PHF10: variants seen among roughly 807,000 people sequenced by gnomAD.
PHF10 encodes PHD finger protein 10, also known as BRG1-associated factor 45a.
PHF10 carries 51 observed loss-of-function variants against 68.5 expected under a neutral mutation model. The ratio of observed to expected loss-of-function variants is 0.74; its 90% CI spans 0.59 to 0.94. PHF10 has a LOEUF of 0.94. Ranked by LOEUF, PHF10 falls within the 40% of genes least tolerant of loss-of-function variation. PHF10 has a pLI of 0.00. For synonymous variants in PHF10, 204 were observed against 203.5 expected (o/e 1.00, Z -0.02); for missense variants, 460 against 602.6 (o/e 0.76, Z 2.48).
Position 169,717,838 on chromosome 6 carries a change from T to C in PHF10, c.394A>G (p.Thr132Ala). 6.6e-7 allele frequency: 1 copy of C among 1,520,022 alleles called. No homozygotes were observed. The highest frequency in any genetic ancestry group is 1.2e-5 in the South Asian group (1 of 85,314). 94.2% of individuals were successfully genotyped at this position (1,520,022 alleles called of 1,614,324 possible). ...YLRELNVITETQCTLGLTALR... is the reference protein window; with the variant it reads ...YLRELNVITEAQCTLGLTALR... Reference sequence around the variant, plus strand: ...CTATTCTTACCTAGAGTGCACTGAGTTTCAGTAATGACATTTAGCTCTCTC... The same window carrying C: ...CTATTCTTACCTAGAGTGCACTGAGCTTCAGTAATGACATTTAGCTCTCTC... The change falls in exon 4 of 12, where the codon ACT (threonine) becomes GCT (alanine). Residue 132 changes from threonine to alanine, a missense_variant. By Grantham distance (58) the Thr-to-Ala change is moderately conservative. This residue lies in a region of PHF10 where 256 missense variants were observed against 410.5 expected (regional missense o/e 0.62). Coordinates refer to ENST00000339209, the MANE Select transcript of PHF10 (RefSeq NM_018288.4).
intron 1 of PHF10, 96 bp downstream of exon 1, chr6:169,723,749 C>G (rs1789244257): frequency 2.9e-6 from 1 of 343,026 alleles, no homozygotes; most frequent in African/African-American, 2.2e-5. Context: ...CCCACGCCCC[C>G]GAGACGCTGG....
chr6:169,714,574 A>G (rs73242910), intron 7 of PHF10, among the ~76,000 whole-genome samples, 159 bp downstream of exon 7: 25,478 of 152,132 alleles, frequency 0.17, 2,639 homozygotes, highest in East Asian at 0.29. Context: ...ACTACAGGGT[A>G]TTGTTTACCA....
intron 6 of PHF10, among the ~76,000 whole-genome samples, chr6:169,715,345 AG>A (rs1207839221): frequency 2.0e-5 from 3 of 152,176 alleles, no homozygotes; most frequent in Admixed American, 6.5e-5. Flanking sequence ...TCAACTTCTG[AG>A]GAAAAAAAGA....
At chr6:169,706,778 A>G (rs1788809740) in intron 9 of PHF10, among the ~76,000 whole-genome samples, 1 of 141,444 alleles carries the variant, frequency 7.1e-6, no homozygotes, top group Middle Eastern at 3.4e-3. Context: ...ACACACACAC[A>G]CGTAGATGAA....
chr6:169,705,148 C>T lies in PHF10; in HGVS notation c.1396G>A (p.Gly466Ser). 6.2e-7 allele frequency: 1 copy of T among 1,607,876 alleles called. No homozygotes were observed. Among genetic ancestry groups the T allele is most frequent in the Non-Finnish European group, 8.5e-7 (1 of 1,176,814 alleles). ...TAATCTTTACCTGATGGAATAGCACCAAGGCCCACACAAAAAGTATGATAA... is the reference window on the plus strand; with the variant it reads ...TAATCTTTACCTGATGGAATAGCACTAAGGCCCACACAAAAAGTATGATAA... ...RGYHTFCVGL[G>S]AIPSGRWICD... is the part of the protein sequence containing the mutation. Residue 466 changes from glycine to serine, a missense_variant, in exon 11 of 12, where the codon GGT becomes AGT. This residue lies in a region of PHF10 where 111 missense variants were observed against 109.7 expected (regional missense o/e 1.01). Coordinates refer to ENST00000339209, the MANE Select transcript of PHF10 (RefSeq NM_018288.4).
chr6:169,713,230 A>C (rs1002716091), intron 7 of PHF10, among the ~76,000 whole-genome samples: 5 of 152,308 alleles, frequency 3.3e-5, no homozygotes, highest in Admixed American at 3.3e-4. Flanking sequence ...CAACTAAGAC[A>C]ACACACCAAA....
At chr6:169,708,439 C>T (rs1788855774) in intron 9 of PHF10, 1 of 152,018 alleles carries the variant, frequency 6.6e-6, no homozygotes, top group South Asian at 2.1e-4. Flanking sequence ...TGACCTTTAG[C>T]TTGAAGTACC....
intron 7 of PHF10, among the ~76,000 whole-genome samples, chr6:169,712,820 A>G (rs1788955926): frequency 6.6e-6 from 1 of 152,178 alleles, no homozygotes; most frequent in African/African-American, 2.4e-5. Context: ...ATAAAATGTC[A>G]GCAGCCCCAA....
intron 9 of PHF10, chr6:169,707,601 C>A (rs1320238523): frequency 6.6e-6 from 1 of 152,142 alleles, no homozygotes; most frequent in South Asian, 2.1e-4. Flanking sequence ...AAACAGAACT[C>A]CTCACAGGAG....
chr6:169,718,104 T>C (rs1053960746), intron 3 of PHF10, among the ~76,000 whole-genome samples, 198 bp from the exon 4 acceptor site: 3 of 151,962 alleles, frequency 2.0e-5, no homozygotes, highest in African/African-American at 4.8e-5. Context: ...AAATAGGAAA[T>C]AGAATAATCC....
rs754426578 is a variant in PHF10, at chr6:169,705,215, G to A, written c.1329C>T (p.His443=). 3 of 1,613,722 alleles carry A rather than the reference G, an allele frequency of 1.9e-6. No individual in the cohort carries two copies. In the Admixed American group the frequency reaches 5.0e-5, roughly 27 times the overall value. The change falls in exon 11 of 12, where the codon CAC becomes CAT. Residue 443 remains histidine (H), a synonymous_variant. Coordinates refer to ENST00000339209, the MANE Select transcript of PHF10 (RefSeq NM_018288.4). ...CKTCIICGQP[H]HEEEMMFCDM... ...CACAGAACATCATTTCTTCTTCATG[G>A]TGGGGTTGTCCACATATAATGCATG... is the stretch of plus-strand genomic sequence containing the variant.
chr6:169,723,927 G>A lies in PHF10; in HGVS notation c.5C>T (p.Ala2Val), dbSNP rs1789253302. ...CGCAGCCCCGGGCCCGGCCGCCGCC[G>A]CCATCAGCCCGAGCGCCCCGCGCCG... The part of the protein sequence containing the change: M[A>V]AAAGPGAALS... Residue 2 changes from alanine to valine, a missense_variant, in exon 1 of 12, where the codon GCG becomes GTG. By Grantham distance (64) the Ala-to-Val change is moderately conservative. Coordinates refer to ENST00000339209, the MANE Select transcript of PHF10 (RefSeq NM_018288.4). 3.0e-6 allele frequency: 3 copies of A among 1,002,982 alleles called. No individual in the cohort carries two copies. Among genetic ancestry groups the A allele is most frequent in the Non-Finnish European group, 3.6e-6 (3 of 834,394 alleles). 62.1% of individuals were successfully genotyped at this position (1,002,982 alleles called of 1,614,324 possible).
At chr6:169,714,697 T>G (rs768964650) in intron 7 of PHF10, 36 bp downstream of exon 7, 3 of 1,056,200 alleles carry the variant, frequency 2.8e-6, no homozygotes, top group Non-Finnish European at 4.5e-6. Flanking sequence ...CCCTTACCAA[T>G]AGCCGATACC....
At chr6:169,705,829 C>A in intron 9 of PHF10, 105 bp from the exon 10 acceptor site, 1 of 689,764 alleles carries the variant, frequency 1.4e-6, no homozygotes, top group Non-Finnish European at 2.7e-6. Context: ...TGGTAACTTG[C>A]TAATGAGGAC....
intron 1 of PHF10, among the ~76,000 whole-genome samples, chr6:169,723,473 C>T (rs913610065): frequency 6.6e-6 from 1 of 152,214 alleles, no homozygotes; most frequent in Admixed American, 6.5e-5. Flanking sequence ...GCAAACTATG[C>T]GCGGAATGAA....
chr6:169,722,759 G>A (rs1789210225), intron 1 of PHF10, among the ~76,000 whole-genome samples: 1 of 152,166 alleles, frequency 6.6e-6, no homozygotes, highest in Non-Finnish European at 1.5e-5. Context: ...TACTAAATCA[G>A]AGATGTGCCT....
At chr6:169,716,445 T>G (rs973763271) in intron 4 of PHF10, among the ~76,000 whole-genome samples, 2 of 151,142 alleles carry the variant, frequency 1.3e-5, no homozygotes, top group Admixed American at 1.3e-4. Flanking sequence ...TAAAAAAAAA[T>G]TCAACATATT....
chr6:169,723,557 G>A lies in PHF10; in HGVS notation c.87+288C>T, dbSNP rs556981734. 8.5e-5 allele frequency among the ~76,000 whole-genome samples: 13 copies of A among 152,206 alleles called. No homozygotes were observed. In the South Asian group the frequency reaches 1.9e-3, roughly 22 times the overall value. ...CGGCCCCGGGCGCGTTCCGTCCCAC[G>A]GCTGGCCTAGGAGGAGGCGTTTTGG... On this transcript the variant is annotated intron_variant, in intron 1 of 11. Transcript: ENST00000339209.
At chr6:169,708,875 T>C (rs369080259) in intron 9 of PHF10, 15 of 152,300 alleles carry the variant, frequency 9.8e-5, no homozygotes, top group African/African-American at 3.6e-4. Context: ...AACACACTCA[T>C]TCATGTATAC....
Sources: allele counts gnomAD v4.1 joint callset (sites outside exome capture counted in the v4.1 genomes callset), GRCh38; gene constraint gnomAD v4.1.1; regional missense constraint gnomAD v4.1.1; transcripts MANE v1.5; gene names NCBI Gene and HGNC (gene_info 2026-07-23, HGNC 2026-07-21).